ZNF518A: variants seen among roughly 807,000 people sequenced by gnomAD.
The protein encoded by ZNF518A is zinc finger protein 518A, also known as zinc finger protein 518.
In ZNF518A, 47 loss-of-function variants were observed where a neutral mutation model predicts 102.7. The ratio of observed to expected loss-of-function variants is 0.46; its 90% CI spans 0.36 to 0.58. ZNF518A has a LOEUF of 0.58. Among genes scored for constraint, ZNF518A ranks in the 20% least tolerant of loss-of-function variants. The pLI is 0.00. For missense variants in ZNF518A, 1,793 were observed against 1,699.8 expected, an observed-to-expected ratio of 1.05 and a Z score of -0.96; for synonymous variants, 652 against 594.6, an observed-to-expected ratio of 1.10 and a Z score of -1.40.
chr10:96,145,671 T>C (rs1407645237), intron 3 of ZNF518A, among the ~76,000 whole-genome samples: 1 of 152,218 alleles, frequency 6.6e-6, no homozygotes, highest in African/African-American at 2.4e-5. Flanking sequence ...CTGTATTGTT[T>C]TGATCTCTTC....
At chr10:96,187,220 A>T (rs188069416) in intron 1 of ZNF518A, among the ~76,000 whole-genome samples, 1 of 152,232 alleles carries the variant, frequency 6.6e-6, no homozygotes, top group Non-Finnish European at 1.5e-5. Flanking sequence ...TTATCCACAG[A>T]TCACTTTTTA....
At position 96,131,538 on chromosome 10, in the gene ZNF518A, CTG is replaced by C. The variant is rs1333798285; in HGVS notation, c.-453+788_-453+789del. Among the ~76,000 whole-genome samples the C allele has an allele frequency of 7.2e-5, 11 of 152,208 alleles. No homozygotes were observed. In the East Asian group the frequency reaches 1.9e-3, roughly 27 times the overall value. On this transcript the variant is annotated intron_variant, in intron 1 of 5. Transcript: ENST00000316045. ...ACGATGTTGATTTTTGCCATAGAAA[CTG>C]TAAATTAGATCATCCCTAGATACAG...
chr10:96,204,294 C>T, downstream of ZNF518A: 1 of 718,162 alleles, frequency 1.4e-6, no homozygotes, highest in South Asian at 1.8e-5. Flanking sequence ...AGGAGGAAAT[C>T]TTGACTAAAG....
chr10:96,131,968 A>G (rs1194108362), intron 1 of ZNF518A, among the ~76,000 whole-genome samples: 2 of 148,708 alleles, frequency 1.3e-5, no homozygotes, highest in African/African-American at 4.9e-5. Context: ...AATTGTTCTC[A>G]TTGAGGCATT....
Position 96,157,162 on chromosome 10 carries a change from T to C in ZNF518A, c.840T>C (p.His280=). Residue 280 remains histidine, a synonymous_variant, in exon 6 of 6, where the codon CAT becomes CAC. Transcript: ENST00000316045. ...GATRREHLVR[H]VITLHKEHLY... The stretch of plus-strand genomic sequence containing the variant: ...CCAGGAGAGAACACCTTGTAAGACA[T>C]GTTATAACTTTGCACAAAGAACATT... The C allele has an allele frequency of 1.9e-6, 3 of 1,613,456 alleles. No individual in the cohort carries two copies. The highest frequency in any genetic ancestry group is 1.1e-5 in the South Asian group (1 of 90,992).
chr10:96,193,766 A>C (rs1296529507), intron 1 of ZNF518A, among the ~76,000 whole-genome samples: 2 of 152,200 alleles, frequency 1.3e-5, no homozygotes, highest in Non-Finnish European at 2.9e-5. Flanking sequence ...ACAGTGCCAA[A>C]ATAGCTGCAT....
intron 1 of ZNF518A, among the ~76,000 whole-genome samples, chr10:96,182,290 C>T (rs1289823320): frequency 1.3e-5 from 2 of 152,180 alleles, no homozygotes; most frequent in African/African-American, 2.4e-5. Flanking sequence ...GACAGTTAGA[C>T]TTCCTCATTT....
At chr10:96,199,185 T>C (rs1364519105) in intron 1 of ZNF518A, among the ~76,000 whole-genome samples, 1 of 152,072 alleles carries the variant, frequency 6.6e-6, no homozygotes, top group African/African-American at 2.4e-5. Context: ...GGAAGAACAG[T>C]ATGTAAATGC....
At chr10:96,150,569 A>G (rs1372871177) in intron 3 of ZNF518A, among the ~76,000 whole-genome samples, 1 of 150,298 alleles carries the variant, frequency 6.7e-6, no homozygotes, top group African/African-American at 2.5e-5. Context: ...CTTAGGTACA[A>G]TTTTTTCTCA....
intron 3 of ZNF518A, among the ~76,000 whole-genome samples, chr10:96,142,448 A>G (rs1554876928): frequency 6.6e-6 from 1 of 152,062 alleles, no homozygotes; most frequent in East Asian, 1.9e-4. Context: ...ATATTCATTC[A>G]TATGACTGTT....
chr10:96,186,054 T>C lies in ZNF518A; in HGVS notation n.36-17520T>C, dbSNP rs587703957. On this transcript the variant is annotated intron_variant and non_coding_transcript_variant, in intron 1 of 2. Coordinates refer to the ZNF518A transcript ENST00000442635. ...AGGCGCCGGATATAATCTCCTGGTG[T>C]TCCATTTGCTAAGACCATTGGAAAA... Among the ~76,000 whole-genome samples, 7 of 152,318 alleles carry C rather than the reference T, an allele frequency of 4.6e-5. No homozygotes were observed. The East Asian group carries it at 1.2e-3, about 25-fold the overall frequency.
chr10:96,176,507 A>G (rs2083205443), intron 1 of ZNF518A, among the ~76,000 whole-genome samples: 1 of 152,168 alleles, frequency 6.6e-6, no homozygotes, highest in Non-Finnish European at 1.5e-5. Context: ...CTGAGTGCCT[A>G]TAATCCCAGC....
At chr10:96,174,739 C>CAGAG (rs2083193278) in intron 1 of ZNF518A, among the ~76,000 whole-genome samples, 1 of 151,004 alleles carries the variant, frequency 6.6e-6, no homozygotes, top group African/African-American at 2.4e-5. Flanking sequence ...AAAAAAATTA[C>CAGAG]AGATAGATAG....
rs2082801890 is a variant in ZNF518A at position 96,158,226 on chromosome 10, G to C, written c.1904G>C (p.Gly635Ala). 2 of 1,613,604 alleles carry C rather than the reference G, an allele frequency of 1.2e-6. No individual in the cohort carries two copies. Among genetic ancestry groups the C allele is most frequent in the East Asian group, 4.5e-5 (2 of 44,870 alleles). The change falls in exon 6 of 6, where the codon GGA (glycine) becomes GCA (alanine). Residue 635 changes from glycine to alanine, a missense_variant. Physicochemically the swap from Gly to Ala is moderately conservative, Grantham distance 60 (BLOSUM62 0). Around this residue, in one of 3 missense-constraint regions of ZNF518A, gnomAD observed 1,741 missense variants for 1,622.6 expected, o/e 1.07. Transcript: ENST00000316045. Reference sequence around the variant, plus strand: ...TTACCTGTTGAATCCTCCAACCAAGGATCATTACCTTTTCATAATTACTCA... The same window carrying C: ...TTACCTGTTGAATCCTCCAACCAAGCATCATTACCTTTTCATAATTACTCA... ...CELPVESSNQ[G>A]SLPFHNYSKV...
At position 96,162,061 on chromosome 10, in the gene ZNF518A, G is replaced by A. The variant is rs190145453; in HGVS notation, c.*1287G>A. ...TGGAGTTCTTGTGTTAACAAATTAC[G>A]TGCTATATGATTTTTTGTTACATTG... On this transcript the variant is annotated 3_prime_UTR_variant, in exon 6 of 6. Coordinates refer to ENST00000316045, the MANE Select transcript of ZNF518A (RefSeq NM_001330736.2). The A allele has an allele frequency of 2.7e-4, 45 of 167,000 alleles. No individual in the cohort carries two copies. The highest frequency in any genetic ancestry group is 2.4e-3 in the Admixed American group (36 of 15,286). 10.3% of individuals were successfully genotyped at this position (167,000 alleles called of 1,614,324 possible).
rs1554884993 is a variant in ZNF518A at position 96,158,693 on chromosome 10, T to C, written c.2371T>C (p.Leu791=). 2 of 1,613,264 alleles carry C rather than the reference T, an allele frequency of 1.2e-6. No individual in the cohort carries two copies. The highest frequency in any genetic ancestry group is 1.1e-5 in the South Asian group (1 of 91,032). ...AGTAAACCAATTGCTTCAGGATGTA[T>C]TGAAAATAAAACCTGATGTAAAACA... ...PEVNQLLQDV[L]KIKPDVKQDS... Residue 791 remains leucine, a synonymous_variant, in exon 6 of 6, where the codon TTG becomes CTG. Transcript: ENST00000316045.
intron 1 of ZNF518A, chr10:96,190,188 G>T: frequency 1.3e-6 from 1 of 793,394 alleles, no homozygotes; most frequent in South Asian, 1.3e-5. Flanking sequence ...GGGCCTCAGG[G>T]GGCTCACGTC....
At chr10:96,185,553 A>T (rs2083266810) in intron 1 of ZNF518A, among the ~76,000 whole-genome samples, 1 of 152,106 alleles carries the variant, frequency 6.6e-6, no homozygotes, top group Non-Finnish European at 1.5e-5. Flanking sequence ...TTTTCCTTGA[A>T]CAGTCAGTCC....
At chr10:96,136,799 T>C (rs1178429914) in intron 3 of ZNF518A, among the ~76,000 whole-genome samples, 1 of 152,244 alleles carries the variant, frequency 6.6e-6, no homozygotes, top group Non-Finnish European at 1.5e-5. Flanking sequence ...TGTAGTTTCC[T>C]ATGTCCTTGC....
Sources: gnomAD v4.1 joint callset for allele counts (sites outside exome capture counted in the v4.1 genomes callset) on GRCh38, gnomAD v4.1.1 for gene constraint, gnomAD v4.1.1 regional missense constraint, MANE v1.5 for transcripts, NCBI Gene and HGNC (gene_info 2026-07-23, HGNC 2026-07-21) for gene names.